SRRM2: variants seen among roughly 807,000 people sequenced by gnomAD.
The protein encoded by SRRM2 is serine/arginine repetitive matrix protein 2.
Under a neutral mutation model 213.8 loss-of-function variants are expected in SRRM2, and 30 were observed. The observed-to-expected ratio is 0.14, with a 90% CI of 0.10 to 0.19. SRRM2 has a LOEUF of 0.19. Ranked by LOEUF, SRRM2 falls within the 10% of genes least tolerant of loss-of-function variation. The probability of loss-of-function intolerance (pLI) is 1.00; values close to 1 mark genes in which losing one functional copy is unlikely to be tolerated. For synonymous variants in SRRM2, 2,025 were observed against 1,377.7 expected (o/e 1.47, Z -10.40); for missense variants, 4,904 against 3,647.0 (o/e 1.34, Z -8.88).
rs2068599975 is a variant in SRRM2, at chr16:2,767,931, C to T, written c.7403C>T (p.Pro2468Leu). 5.6e-6 allele frequency: 9 copies of T among 1,614,216 alleles called. No homozygotes were observed. Among genetic ancestry groups the T allele is most frequent in the Non-Finnish European group, 7.6e-6 (9 of 1,180,040 alleles). The change falls in exon 11 of 15, where the codon CCT (proline) becomes CTT (leucine). Residue 2468 changes from proline (P) to leucine (L), a missense_variant. Coordinates refer to ENST00000301740, the MANE Select transcript of SRRM2 (RefSeq NM_016333.4). ...QSRCLIAQTT[P>L]VAGSQSLSSG... ...CGTTGTTTGATTGCCCAGACCACCC[C>T]TGTAGCAGGGTCTCAGTCCCTTTCC...
Position 2,763,447 on chromosome 16 carries a change from C to T in SRRM2, c.2919C>T (p.Ser973=). The change falls in exon 11 of 15, where the codon TCC becomes TCT. Residue 973 remains serine (S), a synonymous_variant. Transcript: ENST00000301740. ...LLPRYSHSGS[S]SPDTKVKPET... ...CAAGATACAGTCATTCTGGGTCCTCCTCACCAGATACCAAAGTGAAACCTG... is the reference window on the plus strand; with the variant it reads ...CAAGATACAGTCATTCTGGGTCCTCTTCACCAGATACCAAAGTGAAACCTG... The T allele has an allele frequency of 6.2e-7, 1 of 1,614,196 alleles. No individual in the cohort carries two copies. Among genetic ancestry groups the T allele is most frequent in the Non-Finnish European group, 8.5e-7 (1 of 1,180,034 alleles).
chr16:2,764,571 C>A lies in SRRM2; in HGVS notation c.4043C>A (p.Ser1348Tyr), dbSNP rs549292154. Residue 1348 changes from serine to tyrosine, a missense_variant, in exon 11 of 15, where the codon TCT (serine) becomes TAT (tyrosine). Transcript: ENST00000301740. ...GGTACAGAAATGAATACTGGATTTT[C>A]TTCTGAGGTTAAAGAAGATTTGAAT... is the stretch of plus-strand genomic sequence containing the variant. ...PLGTEMNTGF[S>Y]SEVKEDLNGP... 2 of 1,614,196 alleles carry A rather than the reference C, an allele frequency of 1.2e-6. No individual in the cohort carries two copies. The highest frequency in any genetic ancestry group is 1.7e-6 in the Non-Finnish European group (2 of 1,180,030).
At chr16:2,754,453 A>C (rs2068070518) in intron 1 of SRRM2, among the ~76,000 whole-genome samples, 2 of 152,100 alleles carry the variant, frequency 1.3e-5, no homozygotes, top group African/African-American at 2.4e-5. Flanking sequence ...GCCGCCGCCC[A>C]GCTAATTTTT....
In SRRM2 at chr16:2,766,995, T is replaced by C. The variant is rs2068569381; in HGVS notation, c.6467T>C (p.Met2156Thr). 2 of 1,614,006 alleles carry C rather than the reference T, an allele frequency of 1.2e-6. No homozygotes were observed. Among genetic ancestry groups the C allele is most frequent in the Non-Finnish European group, 1.7e-6 (2 of 1,180,032 alleles). ...GTCCTGCAGCAAGCCGGCGGCTCCATGATGGATGGTCCAGGTCCCCGAATA... is the reference window on the plus strand; with the variant it reads ...GTCCTGCAGCAAGCCGGCGGCTCCACGATGGATGGTCCAGGTCCCCGAATA... ...MSVLQQAGGS[M>T]MDGPGPRIPD... The change falls in exon 11 of 15, where the codon ATG becomes ACG. Residue 2156 changes from methionine to threonine, a missense_variant. Met to Thr is a moderately conservative substitution (Grantham distance 81). Coordinates refer to ENST00000301740, the MANE Select transcript of SRRM2 (RefSeq NM_016333.4). The surrounding 1 kb of genome is among the most constrained non-coding windows in gnomAD (Gnocchi z 7.0).
Position 2,768,212 on chromosome 16 carries a change from G to C in SRRM2, c.7684G>C (p.Asp2562His), listed in dbSNP as rs1407281286. The C allele has an allele frequency of 4.4e-6, 7 of 1,599,510 alleles. No individual in the cohort carries two copies. Among genetic ancestry groups the C allele is most frequent in the Non-Finnish European group, 4.3e-6 (5 of 1,172,528 alleles). Reference sequence around the variant, plus strand: ...CTCCTCCTCTGGCTCCAGTTCTAGTGACTCAGAGGGCTCTAGCCTTCCTGT... The same window carrying C: ...CTCCTCCTCTGGCTCCAGTTCTAGTCACTCAGAGGGCTCTAGCCTTCCTGT... ...SSSSSGSSSSDSEGSSLPVQP... is the reference protein window; with the variant it reads ...SSSSSGSSSSHSEGSSLPVQP... Residue 2562 changes from aspartate to histidine, a missense_variant, in exon 11 of 15, where the codon GAC becomes CAC. Asp to His is a moderately conservative substitution (Grantham distance 81). Transcript: ENST00000301740.
Position 2,770,885 on chromosome 16 carries a change from C to T in SRRM2, c.*18C>T, listed in dbSNP as rs1401808815. The T allele has an allele frequency of 1.2e-6, 2 of 1,613,720 alleles. No individual in the cohort carries two copies. The highest frequency in any genetic ancestry group is 1.7e-6 in the Non-Finnish European group (2 of 1,179,940). The stretch of plus-strand genomic sequence containing the variant: ...CTCCATAAATTGTCTTTGGGGGATT[C>T]CACCACACCCAATGCTCTGGAGCCA... On this transcript the variant is annotated 3_prime_UTR_variant, in exon 15 of 15. Transcript: ENST00000301740.
chr16:2,762,408 C>G lies in SRRM2; in HGVS notation c.1880C>G (p.Thr627Ser), dbSNP rs1205906702. Residue 627 changes from threonine to serine, a missense_variant, in exon 11 of 15, where the codon ACC becomes AGC. Thr to Ser is a moderately conservative substitution (Grantham distance 58). Transcript: ENST00000301740. ...ACACCTGCTAGGCGCAGATCTAGGA[C>G]CCGATCACCAGTACGACGCAGGTCT... Reference protein sequence around the residue: ...SRTPARRRSRTRSPVRRRSRS... With the variant: ...SRTPARRRSRSRSPVRRRSRS... 6.2e-7 allele frequency: 1 copy of G among 1,614,054 alleles called. No homozygotes were observed. Among genetic ancestry groups the G allele is most frequent in the African/African-American group, 1.3e-5 (1 of 74,986 alleles).
In SRRM2 at chr16:2,763,210, C is replaced by CGG; in HGVS notation, c.2682_2683insGG (p.Ser895GlyfsTer6). ...CTTCTAGACATAGCTGCTCAGGGTC[C>CGG]TCTCCTCCTAGAGTGAAATCTAGCA... On this transcript the variant is annotated frameshift_variant, in exon 11 of 15. Transcript: ENST00000301740. LOFTEE classifies it high-confidence loss of function. 1 of 1,614,064 alleles carries CGG rather than the reference C, an allele frequency of 6.2e-7. No homozygotes were observed. Among genetic ancestry groups the CGG allele is most frequent in the Non-Finnish European group, 8.5e-7 (1 of 1,180,008 alleles).
chr16:2,757,418 G>T, intron 2 of SRRM2, 54 bp from the exon 3 acceptor site: 1 of 1,542,566 alleles, frequency 6.5e-7, no homozygotes. Flanking sequence ...ATGGAAACCT[G>T]GGACTGGGGA....
Position 2,763,795 on chromosome 16 carries a change from A to G in SRRM2, c.3267A>G (p.Lys1089=). 1 of 1,614,184 alleles carries G rather than the reference A, an allele frequency of 6.2e-7. No individual in the cohort carries two copies. The highest frequency in any genetic ancestry group is 8.5e-7 in the Non-Finnish European group (1 of 1,180,048). The stretch of plus-strand genomic sequence containing the variant: ...CAGAATCACCATCTCTGCAGAGCAA[A>G]TCTCAAACATCACCTAAGGGAGGTC... ...SHSESPSLQS[K]SQTSPKGGRS... is the part of the protein sequence containing the mutation. The change falls in exon 11 of 15, where the codon AAA becomes AAG. Residue 1089 remains lysine, a synonymous_variant. Transcript: ENST00000301740.
intron 8 of SRRM2, 46 bp downstream of exon 8, chr16:2,759,448 A>T: frequency 1.3e-6 from 2 of 1,595,504 alleles, no homozygotes; most frequent in Non-Finnish European, 1.7e-6. Flanking sequence ...AGTGAACGCC[A>T]CCTTAGTGGG....
In SRRM2 at chr16:2,760,377, G is replaced by A. The variant is rs774262246; in HGVS notation, c.910G>A (p.Gly304Arg). The A allele has an allele frequency of 6.8e-6, 11 of 1,613,950 alleles. No homozygotes were observed. Among genetic ancestry groups the A allele is most frequent in the African/African-American group, 1.3e-5 (1 of 74,876 alleles). ...RSPSPASGRR[G>R]EGDAPFSEPG... ...TCCTTCCCCTGCTTCAGGGCGACGC[G>A]GGGAGGGAGATGCGCCTTTCAGTGA... The change falls in exon 10 of 15, where the codon GGG (glycine) becomes AGG (arginine). Residue 304 changes from glycine to arginine, a missense_variant. Gly to Arg is a moderately radical substitution (Grantham distance 125). Transcript: ENST00000301740.
At position 2,762,395 on chromosome 16, in the gene SRRM2, C is replaced by T. The variant is rs529867836; in HGVS notation, c.1867C>T (p.Arg623Cys). ...GTCTCGGTCTAGAACACCTGCTAGGCGCAGATCTAGGACCCGATCACCAGT... is the reference window on the plus strand; with the variant it reads ...GTCTCGGTCTAGAACACCTGCTAGGTGCAGATCTAGGACCCGATCACCAGT... ...GRSRSRTPAR[R>C]RSRTRSPVRR... The change falls in exon 11 of 15, where the codon CGC becomes TGC. Residue 623 changes from arginine to cysteine, a missense_variant. Coordinates refer to ENST00000301740, the MANE Select transcript of SRRM2 (RefSeq NM_016333.4). 3.0e-5 allele frequency: 48 copies of T among 1,614,034 alleles called. No homozygotes were observed. Among genetic ancestry groups the T allele is most frequent in the East Asian group, 1.8e-4 (8 of 44,854 alleles).
chr16:2,761,202 TAG>T (rs1486339124), intron 10 of SRRM2, among the ~76,000 whole-genome samples: 2 of 152,278 alleles, frequency 1.3e-5, no homozygotes, highest in African/African-American at 2.4e-5. Context: ...TTTCGTTTAA[TAG>T]AGTTATTCTT....
Position 2,759,627 on chromosome 16 carries a change from G to T in SRRM2, c.799G>T (p.Asp267Tyr), listed in dbSNP as rs2068269195. Residue 267 changes from aspartate to tyrosine, a missense_variant, in exon 9 of 15, where the codon GAC becomes TAC. Asp to Tyr is a radical substitution (Grantham distance 160). Transcript: ENST00000301740. ...SRRAHRSTSA[D>Y]SASSSDTSRS... ...CCGGGCCCACCGTTCAACTTCTGCT[G>T]ACTCTGCTTCCTCCTCCGATACTTC... 5 of 1,613,910 alleles carry T rather than the reference G, an allele frequency of 3.1e-6. No individual in the cohort carries two copies. The highest frequency in any genetic ancestry group is 4.2e-6 in the Non-Finnish European group (5 of 1,179,964).
chr16:2,762,898 A>T lies in SRRM2; in HGVS notation c.2370A>T (p.Ser790=). The part of the protein sequence containing the change: ...SGSSPCPKQK[S]QTPPRRSRSG... ...CTTCCCCATGCCCTAAACAAAAGTC[A>T]CAGACACCACCCAGGCGCAGTCGCT... is the stretch of plus-strand genomic sequence containing the variant. The change falls in exon 11 of 15, where the codon TCA becomes TCT. Residue 790 remains serine, a synonymous_variant. Transcript: ENST00000301740. 6.2e-7 allele frequency: 1 copy of T among 1,614,146 alleles called. No individual in the cohort carries two copies. The highest frequency in any genetic ancestry group is 1.1e-5 in the South Asian group (1 of 91,078).
chr16:2,756,311 C>T (rs757975764), intron 1 of SRRM2, 23 bp from the exon 2 acceptor site: 285 of 1,517,294 alleles, frequency 1.9e-4, no homozygotes, highest in Middle Eastern at 2.4e-4. Context: ...GGGCCTGACC[C>T]GTGTCTCCCC....
Position 2,767,683 on chromosome 16 carries a change from G to C in SRRM2, c.7155G>C (p.Val2385=). The change falls in exon 11 of 15, where the codon GTG becomes GTC. Residue 2385 remains valine (V), a synonymous_variant. Coordinates refer to ENST00000301740, the MANE Select transcript of SRRM2 (RefSeq NM_016333.4). Reference sequence around the variant, plus strand: ...GTGCAAACCTCACCAGCCCCAGGGTGCCCCTTTCTGCCTACGAGCGTGTCA... The same window carrying C: ...GTGCAAACCTCACCAGCCCCAGGGTCCCCCTTTCTGCCTACGAGCGTGTCA... ...LSGANLTSPR[V]PLSAYERVSG... The C allele has an allele frequency of 6.2e-7, 1 of 1,613,980 alleles. No homozygotes were observed. The highest frequency in any genetic ancestry group is 8.5e-7 in the Non-Finnish European group (1 of 1,180,006).
At chr16:2,760,214 A>G (rs1035935778) in intron 9 of SRRM2, 87 bp from the exon 10 acceptor site, 7 of 1,329,620 alleles carry the variant, frequency 5.3e-6, no homozygotes, top group South Asian at 3.8e-5. Flanking sequence ...CAGTTAGGAA[A>G]GGTGGATGGG....
Sources: gnomAD v4.1 joint callset for allele counts (sites outside exome capture counted in the v4.1 genomes callset) on GRCh38, gnomAD v4.1.1 for gene constraint, Gnocchi (gnomAD v3.1) non-coding constraint, MANE v1.5 for transcripts, NCBI Gene and HGNC (gene_info 2026-07-23, HGNC 2026-07-21) for gene names.